TIMM17A: variants seen among roughly 807,000 people sequenced by gnomAD.
The protein encoded by TIMM17A is translocase of inner mitochondrial membrane 17A, also known as mitochondrial import inner membrane translocase subunit Tim17-A.
Under a neutral mutation model 26.5 loss-of-function variants are expected in TIMM17A, and 15 were observed. That is an observed-to-expected ratio of 0.57 (90% CI 0.38 to 0.87). TIMM17A has a LOEUF of 0.87. Ranked by LOEUF, TIMM17A falls within the 40% of genes least tolerant of loss-of-function variation. The pLI is 0.00. For missense variants in TIMM17A, 201 were observed against 210.0 expected, an observed-to-expected ratio of 0.96 and a Z score of 0.27; for synonymous variants, 80 against 70.8, an observed-to-expected ratio of 1.13 and a Z score of -0.66.
At chr1:201,963,569 A>G (rs1558250896) in intron 3 of TIMM17A, 47 bp from the exon 4 acceptor site, 2 of 1,570,778 alleles carry the variant, frequency 1.3e-6, no homozygotes, top group Non-Finnish European at 8.6e-7. Flanking sequence ...TAAATGGAAG[A>G]TGAAATTTAA....
At chr1:201,967,122 G>A (rs1263139581) in intron 5 of TIMM17A, among the ~76,000 whole-genome samples, 1 of 151,390 alleles carries the variant, frequency 6.6e-6, no homozygotes, top group East Asian at 1.9e-4. Flanking sequence ...TTTGGAGCTT[G>A]GAAAAGATTC....
chr1:201,963,510 GACTATA>G (rs1682571653), intron 3 of TIMM17A, 100 bp from the exon 4 acceptor site: 10 of 1,143,344 alleles, frequency 8.7e-6, no homozygotes, highest in Admixed American at 2.5e-5. Context: ...TATTTGTTTG[GACTATA>G]AATTTTGAGA....
intron 4 of TIMM17A, among the ~76,000 whole-genome samples, chr1:201,964,753 A>T (rs1321855285): frequency 1.4e-5 from 2 of 141,496 alleles, no homozygotes; most frequent in East Asian, 4.2e-4. Flanking sequence ...GGTTCAAGCG[A>T]TTCTCCTGCC....
Position 201,963,671 on chromosome 1 carries a change from A to G in TIMM17A, c.246A>G (p.Gln82=). 6.2e-7 allele frequency: 1 copy of G among 1,611,524 alleles called. No individual in the cohort carries two copies. The highest frequency in any genetic ancestry group is 2.2e-5 in the East Asian group (1 of 44,802). ...CCATGATTGACTGTAGTATGGTTCAAGTCAGAGGAAAGGAAGATCCCTGGA... is the reference window on the plus strand; with the variant it reads ...CCATGATTGACTGTAGTATGGTTCAGGTCAGAGGAAAGGAAGATCCCTGGA... The part of the protein sequence containing the change: ...LFSMIDCSMV[Q]VRGKEDPWNS... Residue 82 remains glutamine (Q), a synonymous_variant, in exon 4 of 6, where the codon CAA becomes CAG. Coordinates refer to ENST00000367287, the MANE Select transcript of TIMM17A (RefSeq NM_006335.3).
intron 1 of TIMM17A, 33 bp downstream of exon 1, chr1:201,955,585 G>A: frequency 1.2e-6 from 2 of 1,614,010 alleles, no homozygotes; most frequent in Non-Finnish European, 1.7e-6. Flanking sequence ...CATTTCTCTT[G>A]CCCCCCTGCC....
At chr1:201,964,768 C>A (rs2102944920) in intron 4 of TIMM17A, among the ~76,000 whole-genome samples, 1 of 149,342 alleles carries the variant, frequency 6.7e-6, no homozygotes, top group Non-Finnish European at 1.5e-5. Flanking sequence ...CCTGCCTCAG[C>A]CTCCCGAGTA....
rs917709716 is a variant in TIMM17A at position 201,970,408 on chromosome 1, A to T, written c.*854A>T. 1 of 152,222 alleles carries T rather than the reference A, an allele frequency of 6.6e-6. No homozygotes were observed. The highest frequency in any genetic ancestry group is 2.4e-5 in the African/African-American group (1 of 41,452). 9.4% of individuals were successfully genotyped at this position (152,222 alleles called of 1,614,324 possible). On this transcript the variant is annotated 3_prime_UTR_variant, in exon 6 of 6. Transcript: ENST00000367287. ...GGGTCTGGTTGGGCCTGGAAAATGG[A>T]TGAGCACTTCAGAACAGGTCATTTT...
intron 4 of TIMM17A, among the ~76,000 whole-genome samples, chr1:201,964,091 TA>T (rs1682580146): frequency 6.6e-6 from 1 of 152,122 alleles, no homozygotes; most frequent in South Asian, 2.1e-4. Flanking sequence ...TCAAAAAAAA[TA>T]ATAATTATAA....
chr1:201,958,249 A>G (rs2102941485), intron 3 of TIMM17A, among the ~76,000 whole-genome samples: 1 of 152,352 alleles, frequency 6.6e-6, no homozygotes, highest in African/African-American at 2.4e-5. Flanking sequence ...AAACCCATCA[A>G]GCCGATTGGG....
At chr1:201,966,991 T>TTGTGTGTGTGTGTGTGTGTGTGTG (rs759557626) in intron 5 of TIMM17A, among the ~76,000 whole-genome samples, 4 of 133,100 alleles carry the variant, frequency 3.0e-5, no homozygotes, top group African/African-American at 1.1e-4. Context: ...ATTATATATG[T>TTGTGTGTGTGTGTGTGTGTGTGTG]TGTGTGTGTG....
At chr1:201,960,251 T>TCC (rs1682500741) in intron 3 of TIMM17A, among the ~76,000 whole-genome samples, 1 of 151,944 alleles carries the variant, frequency 6.6e-6, no homozygotes, top group African/African-American at 2.4e-5. Flanking sequence ...AATACACCAA[T>TCC]TAGCCGGGTG....
intron 3 of TIMM17A, among the ~76,000 whole-genome samples, chr1:201,958,745 A>G (rs993450941): frequency 6.6e-6 from 1 of 152,258 alleles, no homozygotes; most frequent in Admixed American, 6.5e-5. Flanking sequence ...GAGAGACCGT[A>G]TATAAGACAT....
At chr1:201,965,066 C>T (rs1682605199) in intron 4 of TIMM17A, among the ~76,000 whole-genome samples, 1 of 152,108 alleles carries the variant, frequency 6.6e-6, no homozygotes. Flanking sequence ...ATTCTCCTGC[C>T]TCAGCCTCCT....
In TIMM17A at chr1:201,957,316, T is replaced by G. The variant is rs1236943301; in HGVS notation, c.62T>G (p.Phe21Cys). 6.2e-7 allele frequency: 1 copy of G among 1,614,028 alleles called. No homozygotes were observed. The highest frequency in any genetic ancestry group is 1.3e-5 in the African/African-American group (1 of 75,026). The change falls in exon 2 of 6, where the codon TTT becomes TGT. Residue 21 changes from phenylalanine to cysteine, a missense_variant. Transcript: ENST00000367287. ...ATTGTGGATGACTGTGGTGGGGCCT[T>G]TACGATGGGTACCATTGGTGGTGGT... ...WRIVDDCGGA[F>C]TMGTIGGGIF... is the part of the protein sequence containing the mutation.
At chr1:201,955,699 GCCAGT>G in intron 1 of TIMM17A, 147 bp downstream of exon 1, 1 of 1,136,346 alleles carries the variant, frequency 8.8e-7, no homozygotes, top group Non-Finnish European at 1.3e-6. Flanking sequence ...GTCTTTCGCG[GCCAGT>G]CGGCTTCTTA....
In TIMM17A at chr1:201,963,654, G is replaced by T. The variant is rs1026509009; in HGVS notation, c.229G>T (p.Asp77Tyr). The change falls in exon 4 of 6, where the codon GAC becomes TAC. Residue 77 changes from aspartate to tyrosine, a missense_variant. Physicochemically the swap from Asp to Tyr is radical, Grantham distance 160. Coordinates refer to ENST00000367287, the MANE Select transcript of TIMM17A (RefSeq NM_006335.3). ...AVWGGLFSMI[D>Y]CSMVQVRGKE... ...TTGGGGAGGGCTGTTTTCCATGATT[G>T]ACTGTAGTATGGTTCAAGTCAGAGG... The T allele has an allele frequency of 3.1e-6, 5 of 1,608,638 alleles. No homozygotes were observed. The highest frequency in any genetic ancestry group is 4.2e-6 in the Non-Finnish European group (5 of 1,178,716).
chr1:201,960,965 G>T (rs767435372), intron 3 of TIMM17A, among the ~76,000 whole-genome samples: 28 of 151,954 alleles, frequency 1.8e-4, no homozygotes, highest in Admixed American at 2.6e-4. Flanking sequence ...GGTCAGGCAG[G>T]TCTTGAACTC....
intron 5 of TIMM17A, among the ~76,000 whole-genome samples, chr1:201,968,853 G>A (rs1571608760): frequency 6.6e-6 from 1 of 151,088 alleles, no homozygotes; most frequent in East Asian, 1.9e-4. Flanking sequence ...TTTCTTAAAG[G>A]AGAAAAGATT....
intron 5 of TIMM17A, among the ~76,000 whole-genome samples, chr1:201,966,454 G>GT: frequency 6.6e-6 from 1 of 152,184 alleles, no homozygotes; most frequent in Admixed American, 6.5e-5. Flanking sequence ...AGGAGTTCAA[G>GT]GCCAGCCTGG....
Sources: gnomAD v4.1 joint callset for allele counts (sites outside exome capture counted in the v4.1 genomes callset) on GRCh38, gnomAD v4.1.1 for gene constraint, MANE v1.5 for transcripts, NCBI Gene and HGNC (gene_info 2026-07-23, HGNC 2026-07-21) for gene names.